Variants in PCDHA2 observed in about 807,000 individuals in gnomAD.
PCDHA2 encodes protocadherin alpha 2.
In PCDHA2, 58 loss-of-function variants were observed where a neutral mutation model predicts 66.0. That is an observed-to-expected ratio of 0.88 (90% CI 0.71 to 1.09). The LOEUF (loss-of-function observed/expected upper bound fraction) is 1.09, where lower values mean the gene tolerates loss of function less well. Ranked by LOEUF, PCDHA2 falls within the 50% of genes least tolerant of loss-of-function variation. PCDHA2 has a pLI of 0.00. For missense variants in PCDHA2, 1,267 were observed against 1,242.3 expected (o/e 1.02, Z -0.30); for synonymous variants, 634 against 554.0 (o/e 1.14, Z -2.03).
chr5:140,915,488 C>T (rs2077146969), intron 1 of PCDHA2, among the ~76,000 whole-genome samples: 1 of 152,126 alleles, frequency 6.6e-6, no homozygotes, highest in Non-Finnish European at 1.5e-5. Flanking sequence ...GGGCCTCAAT[C>T]CCAATAATAC....
intron 1 of PCDHA2, chr5:140,861,630 G>A (rs2047000934): frequency 6.3e-6 from 2 of 317,346 alleles, no homozygotes; most frequent in Admixed American, 6.9e-5. Flanking sequence ...AGTGTTCTCA[G>A]CAACACAAAA....
At position 140,849,929 on chromosome 5, in the gene PCDHA2, T is replaced by G. The variant is rs1450636702; in HGVS notation, c.2388+52577T>G. 8.1e-6 allele frequency: 13 copies of G among 1,598,096 alleles called. 1 individual carries two copies. The African/African-American group carries it at 1.2e-4, about 15-fold the overall frequency. On this transcript the variant is annotated intron_variant, in intron 1 of 3. Transcript: ENST00000526136. ...CGGGCTGCCACATCTTCACGGTGTC[T>G]GCGCGGGACGCTGACGCGCAGGAGA...
intron 1 of PCDHA2, chr5:140,822,163 C>A: frequency 6.2e-7 from 1 of 1,614,250 alleles, no homozygotes; most frequent in East Asian, 2.2e-5. Flanking sequence ...TGACAATCCG[C>A]CCAGGTTCTC....
chr5:140,936,868 A>T (rs543976186), intron 1 of PCDHA2, among the ~76,000 whole-genome samples: 3 of 152,270 alleles, frequency 2.0e-5, no homozygotes, highest in South Asian at 2.1e-4. Flanking sequence ...TTTCTATTTT[A>T]AAAAACCCTG....
intron 1 of PCDHA2, chr5:140,801,678 G>A: frequency 1.2e-6 from 2 of 1,614,224 alleles, no homozygotes; most frequent in South Asian, 1.1e-5. Flanking sequence ...ATCAGATGCA[G>A]ATATCGGAAC....
chr5:141,002,649 T>C (rs2098089134), intron 3 of PCDHA2, among the ~76,000 whole-genome samples: 2 of 152,214 alleles, frequency 1.3e-5, no homozygotes, highest in South Asian at 2.1e-4. Context: ...GTCTACTTCA[T>C]AGGGCTCTTG....
At chr5:140,943,266 AAAAAAAAAAAAG>A (rs2093453056) in intron 1 of PCDHA2, among the ~76,000 whole-genome samples, 1 of 150,226 alleles carries the variant, frequency 6.7e-6, no homozygotes, top group African/African-American at 2.5e-5. Context: ...TCAAAAAAAA[AAAAAAAAAAAAG>A]AAAGAAAGAA....
Position 140,946,631 on chromosome 5 carries a change from T to TATATATATATATATACAC in PCDHA2, c.2389-32317_2389-32316insTATATATATATATACACA, listed in dbSNP as rs57893927. 8.0e-4 allele frequency among the ~76,000 whole-genome samples: 106 copies of TATATATATATATATACAC among 131,838 alleles called. 2 individuals carry two copies. The East Asian group carries it at 0.018, about 23-fold the overall frequency. 86.5% of individuals were successfully genotyped at this position (131,838 alleles called of 152,430 possible). A position where few individuals can be genotyped will look rare whatever the true frequency, so the allele number is the denominator to read the frequency against. On this transcript the variant is annotated intron_variant, in intron 1 of 3. Transcript: ENST00000526136. ...TGTGAAATATATATATATATATATA[T>TATATATATATATATACAC]ACAATGGAATACTCATCAGCCATTA...
intron 1 of PCDHA2, chr5:140,815,048 T>C (rs1381946035): frequency 9.9e-5 from 15 of 152,202 alleles, no homozygotes; most frequent in African/African-American, 3.6e-4. Flanking sequence ...ATTTTTTTAA[T>C]ATCCTTTAAC....
chr5:140,829,648 G>C (rs2150172028), intron 1 of PCDHA2: 2 of 1,612,244 alleles, frequency 1.2e-6, no homozygotes, highest in South Asian at 2.2e-5. Flanking sequence ...AGGTGTACGC[G>C]CTGCAGCCGC....
rs1395280300 is a variant in PCDHA2, at chr5:140,857,152, T to C, written c.2388+59800T>C. ...AAGATGCTCAAGTGGGCACCGTCAT[T>C]GCCCTAATCAGCGTTTCTGACCATG... On this transcript the variant is annotated intron_variant, in intron 1 of 3. Coordinates refer to ENST00000526136, the MANE Select transcript of PCDHA2 (RefSeq NM_018905.3). The C allele has an allele frequency of 3.8e-6, 6 of 1,598,324 alleles. 1 individual carries two copies. In the Admixed American group the frequency reaches 8.4e-5, roughly 22 times the overall value.
At chr5:140,902,575 T>A (rs1200474088) in intron 1 of PCDHA2, among the ~76,000 whole-genome samples, 1 of 152,082 alleles carries the variant, frequency 6.6e-6, no homozygotes, top group Non-Finnish European at 1.5e-5. Flanking sequence ...TTTTTAAGAT[T>A]TCAATAGTTT....
intron 1 of PCDHA2, among the ~76,000 whole-genome samples, chr5:140,895,833 C>G (rs1325973837): frequency 2.0e-5 from 3 of 152,038 alleles, no homozygotes; most frequent in Non-Finnish European, 2.9e-5. Context: ...TTTTTTCAGA[C>G]AAAGTCTCAC....
In PCDHA2 at chr5:140,835,636, TG is replaced by T. The variant is rs2150240289; in HGVS notation, c.2388+38285del. ...GACAGCGCTCTGGACCGCGAGAGTG[TG>T]TCCGCCTATGAGCTGGTGGTTACCG... On this transcript the variant is annotated intron_variant, in intron 1 of 3. Transcript: ENST00000526136. 6 of 1,613,906 alleles carry T rather than the reference TG, an allele frequency of 3.7e-6. No individual in the cohort carries two copies. The East Asian group carries it at 8.9e-5, about 24-fold the overall frequency.
intron 1 of PCDHA2, among the ~76,000 whole-genome samples, chr5:140,934,548 ATT>A (rs1290393008): frequency 1.3e-5 from 2 of 152,018 alleles, no homozygotes; most frequent in African/African-American, 2.4e-5. Context: ...TAATTCTATC[ATT>A]TCTTCTTTTT....
chr5:140,802,460 T>C, intron 1 of PCDHA2: 3 of 1,614,154 alleles, frequency 1.9e-6, no homozygotes, highest in South Asian at 1.1e-5. Context: ...TGTCGGCCTA[T>C]GAGCTGGTGG....
At chr5:140,895,250 T>G (rs2153449407) in intron 1 of PCDHA2, among the ~76,000 whole-genome samples, 1 of 152,318 alleles carries the variant, frequency 6.6e-6, no homozygotes, top group African/African-American at 2.4e-5. Flanking sequence ...TTTTCAAAGC[T>G]TTCTTTTTTT....
rs1307653192 is a variant in PCDHA2, at chr5:141,009,883, G to C, written c.2793G>C (p.Lys931Asn). 1.2e-6 allele frequency: 2 copies of C among 1,613,212 alleles called. No individual in the cohort carries two copies. Among genetic ancestry groups the C allele is most frequent in the Non-Finnish European group, 1.7e-6 (2 of 1,179,888 alleles). Reference sequence around the variant, plus strand: ...AGAAGAAAAAGAAGAAGGGTAACAAGACCCAGGAGAAAAAAGAGAAAGGGA... The same window carrying C: ...AGAAGAAAAAGAAGAAGGGTAACAACACCCAGGAGAAAAAAGAGAAAGGGA... ...KKKKKKKKGNKTQEKKEKGNS... is the reference protein window; with the variant it reads ...KKKKKKKKGNNTQEKKEKGNS... The change falls in exon 4 of 4, where the codon AAG becomes AAC. Residue 931 changes from lysine (K) to asparagine (N), a missense_variant. Coordinates refer to ENST00000526136, the MANE Select transcript of PCDHA2 (RefSeq NM_018905.3).
intron 1 of PCDHA2, among the ~76,000 whole-genome samples, chr5:140,916,853 T>G (rs1233420106): frequency 1.3e-5 from 2 of 152,160 alleles, no homozygotes; most frequent in East Asian, 3.9e-4. Flanking sequence ...AGCCCAGCAC[T>G]AGGAGTTACC....
Sources: allele counts gnomAD v4.1 joint callset (sites outside exome capture counted in the v4.1 genomes callset), GRCh38; gene constraint gnomAD v4.1.1; transcripts MANE v1.5; gene names NCBI Gene and HGNC (gene_info 2026-07-23, HGNC 2026-07-21).